The following ARHGAP21 variants were observed in gnomAD, a reference collection of about 807,000 sequenced individuals.
ARHGAP21 encodes Rho GTPase activating protein 21, also known as rho GTPase-activating protein 21.
A neutral mutation model predicts 164.6 loss-of-function variants in ARHGAP21; 38 were observed. The ratio of observed to expected loss-of-function variants is 0.23; its 90% CI spans 0.18 to 0.30. The LOEUF is 0.30. ARHGAP21 is among the 10% of genes least tolerant of loss of function. The pLI is 1.00. For missense variants in ARHGAP21, 1,822 were observed against 2,370.7 expected (o/e 0.77, Z 4.81); for synonymous variants, 766 against 857.9 (o/e 0.89, Z 1.87).
chr10:24,689,783 T>C (rs1842540703), intron 2 of ARHGAP21, among the ~76,000 whole-genome samples: 1 of 150,884 alleles, frequency 6.6e-6, no homozygotes, highest in South Asian at 2.1e-4. Flanking sequence ...TATGTGTGTG[T>C]ATATATATGT....
rs1366122587 is a variant in ARHGAP21 at position 24,620,046 on chromosome 10, G to A, written c.1849C>T (p.Pro617Ser). ...GAATTACTTCGGACTTTCACAAGAG[G>A]TGACCTGTCTTGTGAAATACCCCGA... ...LPRGISQDRS[P>S]LVKVRSNSLK... Residue 617 changes from proline to serine, a missense_variant, in exon 9 of 26, where the codon CCT becomes TCT. Coordinates refer to ENST00000396432, the MANE Select transcript of ARHGAP21 (RefSeq NM_020824.4). The A allele has an allele frequency of 1.9e-6, 3 of 1,613,936 alleles. No individual in the cohort carries two copies. The highest frequency in any genetic ancestry group is 2.5e-6 in the Non-Finnish European group (3 of 1,179,844).
At chr10:24,627,613 G>C (rs1472544743) in intron 7 of ARHGAP21, among the ~76,000 whole-genome samples, 1 of 152,108 alleles carries the variant, frequency 6.6e-6, no homozygotes, top group Non-Finnish European at 1.5e-5. Context: ...AGATCTGCAT[G>C]CTCATGTTAT....
rs2076842382 is a variant in ARHGAP21 at position 24,602,224 on chromosome 10, A to AATCCTAACTTTATCTTTT, written c.2722-139_2722-122dup. The AATCCTAACTTTATCTTTT allele has an allele frequency of 7.1e-6, 8 of 1,127,664 alleles. No homozygotes were observed. The South Asian group carries it at 1.5e-4, about 21-fold the overall frequency. 69.9% of individuals were successfully genotyped at this position (1,127,664 alleles called of 1,614,324 possible). On this transcript the variant is annotated intron_variant, in intron 12 of 25. Transcript: ENST00000396432. The stretch of plus-strand genomic sequence containing the variant: ...TTCAAGTGAAGGGCTATTTTTGAAA[A>AATCCTAACTTTATCTTTT]ATCCTAACTTTATCTTTTTAAAAAT...
At chr10:24,600,556 T>A in intron 14 of ARHGAP21, 90 bp downstream of exon 14, 2 of 1,428,294 alleles carry the variant, frequency 1.4e-6, no homozygotes, top group South Asian at 3.0e-5. Flanking sequence ...TATAATTTTT[T>A]TATAAAAATG....
Position 24,607,732 on chromosome 10 carries a change from C to T in ARHGAP21, c.2581+13G>A, listed in dbSNP as rs1467168794. The stretch of plus-strand genomic sequence containing the variant: ...CATGAGATACGGTTTACAAAACCAC[C>T]CTTTAGACGTACCGTGGTCATGTGA... On this transcript the variant is annotated intron_variant, in intron 10 of 25. Coordinates refer to ENST00000396432, the MANE Select transcript of ARHGAP21 (RefSeq NM_020824.4). 6.2e-7 allele frequency: 1 copy of T among 1,613,094 alleles called. No individual in the cohort carries two copies. The highest frequency in any genetic ancestry group is 1.7e-5 in the Admixed American group (1 of 59,936).
In ARHGAP21 at chr10:24,600,891, C is replaced by T. The variant is rs766596589; in HGVS notation, c.2887G>A (p.Val963Ile). 4 of 1,613,654 alleles carry T rather than the reference C, an allele frequency of 2.5e-6. No homozygotes were observed. The highest frequency in any genetic ancestry group is 1.7e-5 in the Admixed American group (1 of 59,998). Residue 963 changes from valine to isoleucine, a missense_variant, in exon 14 of 26, where the codon GTT becomes ATT. By Grantham distance (29) the Val-to-Ile change is conservative. Coordinates refer to ENST00000396432, the MANE Select transcript of ARHGAP21 (RefSeq NM_020824.4). ...TAAAGTGAATGACCCCGAAGGACAACATACATCTGTTTCCATGGCCGAATA... is the reference window on the plus strand; with the variant it reads ...TAAAGTGAATGACCCCGAAGGACAATATACATCTGTTTCCATGGCCGAATA... ...GSIRPWKQMY[V>I]VLRGHSLYLY...
At chr10:24,618,233 G>C (rs547738495) in intron 9 of ARHGAP21, among the ~76,000 whole-genome samples, 1 of 152,240 alleles carries the variant, frequency 6.6e-6, no homozygotes, top group African/African-American at 2.4e-5. Context: ...TTTCAAAATT[G>C]TCTTTCAGCC....
chr10:24,650,429 A>G (rs1313948008), intron 4 of ARHGAP21, among the ~76,000 whole-genome samples: 2 of 152,296 alleles, frequency 1.3e-5, no homozygotes, highest in East Asian at 3.9e-4. Flanking sequence ...AGGTCCTTAT[A>G]TTTTGTAAGA....
At chr10:24,596,102 A>T in intron 17 of ARHGAP21, 59 bp from the exon 18 acceptor site, 1 of 1,403,430 alleles carries the variant, frequency 7.1e-7, no homozygotes, top group Non-Finnish European at 9.6e-7. Flanking sequence ...GTAGTTGTAT[A>T]TCACAGCTAA....
Position 24,620,980 on chromosome 10 carries a change from C to T in ARHGAP21, c.915G>A (p.Val305=). 1 of 1,613,976 alleles carries T rather than the reference C, an allele frequency of 6.2e-7. No individual in the cohort carries two copies. Among genetic ancestry groups the T allele is most frequent in the Non-Finnish European group, 8.5e-7 (1 of 1,179,874 alleles). ...CTGTTTTTAAAGAGGTCTGCTCACT[C>T]ACGCCATACCTCACTTCTTCAGTTC... ...SHRTEEVRYG[V]SEQTSLKTVS... is the part of the protein sequence containing the mutation. Residue 305 remains valine, a synonymous_variant, in exon 9 of 26, where the codon GTG becomes GTA. Coordinates refer to ENST00000396432, the MANE Select transcript of ARHGAP21 (RefSeq NM_020824.4).
rs2076004961 is a variant in ARHGAP21, at chr10:24,584,226, A to G, written c.*186T>C. 1 of 281,498 alleles carries G rather than the reference A, an allele frequency of 3.6e-6. No homozygotes were observed. Among genetic ancestry groups the G allele is most frequent in the African/African-American group, 2.2e-5 (1 of 44,730 alleles). 17.4% of individuals were successfully genotyped at this position (281,498 alleles called of 1,614,324 possible). A position where few individuals can be genotyped will look rare whatever the true frequency, so the allele number is the denominator to read the frequency against. ...AACTATCCGATATATTTTTAAATATATATATATATATATATGTTCTTCTGG... is the reference window on the plus strand; with the variant it reads ...AACTATCCGATATATTTTTAAATATGTATATATATATATATGTTCTTCTGG... On this transcript the variant is annotated 3_prime_UTR_variant, in exon 26 of 26. Coordinates refer to ENST00000396432, the MANE Select transcript of ARHGAP21 (RefSeq NM_020824.4).
chr10:24,592,112 A>G, intron 21 of ARHGAP21, 100 bp from the exon 22 acceptor site: 4 of 1,178,168 alleles, frequency 3.4e-6, no homozygotes, highest in Non-Finnish European at 4.6e-6. Flanking sequence ...ATAAACAGAA[A>G]AATAGCTTTG....
chr10:24,699,174 T>G (rs1843426833), intron 2 of ARHGAP21, among the ~76,000 whole-genome samples: 1 of 152,092 alleles, frequency 6.6e-6, no homozygotes, highest in Non-Finnish European at 1.5e-5. Flanking sequence ...TCCTATTATC[T>G]CTTTTTCAGT....
chr10:24,602,717 G>A (rs1256751606), intron 12 of ARHGAP21, among the ~76,000 whole-genome samples: 1 of 152,158 alleles, frequency 6.6e-6, no homozygotes, highest in Non-Finnish European at 1.5e-5. Context: ...CCAGTTCAAA[G>A]CTCACTCTGA....
At chr10:24,693,284 C>T (rs1842894044) in intron 2 of ARHGAP21, among the ~76,000 whole-genome samples, 1 of 151,932 alleles carries the variant, frequency 6.6e-6, no homozygotes, top group Non-Finnish European at 1.5e-5. Context: ...TTGTCATTGT[C>T]ATGCTAAAAA....
At chr10:24,721,027 A>G (rs1239241045) in intron 2 of ARHGAP21, among the ~76,000 whole-genome samples, 3 of 151,728 alleles carry the variant, frequency 2.0e-5, no homozygotes, top group Non-Finnish European at 4.4e-5. Flanking sequence ...AACAGAGTAT[A>G]TGCGTGTCAT....
chr10:24,611,186 T>A (rs1301797835), intron 9 of ARHGAP21, among the ~76,000 whole-genome samples: 1 of 152,132 alleles, frequency 6.6e-6, no homozygotes, highest in Non-Finnish European at 1.5e-5. Flanking sequence ...TCCCTCTCAA[T>A]CCACAGAGAC....
At chr10:24,707,986 T>C (rs1280563986) in intron 2 of ARHGAP21, among the ~76,000 whole-genome samples, 2 of 152,240 alleles carry the variant, frequency 1.3e-5, no homozygotes, top group African/African-American at 4.8e-5. Context: ...TACAGCAGTG[T>C]TTCCCAAGTA....
intron 2 of ARHGAP21, among the ~76,000 whole-genome samples, chr10:24,707,690 T>A (rs907326239): frequency 2.0e-5 from 3 of 152,156 alleles, no homozygotes; most frequent in African/African-American, 4.8e-5. Flanking sequence ...ACCAGAGTCA[T>A]CTTAGACTCC....
Sources: allele counts gnomAD v4.1 joint callset (sites outside exome capture counted in the v4.1 genomes callset), GRCh38; gene constraint gnomAD v4.1.1; transcripts MANE v1.5; gene names NCBI Gene and HGNC (gene_info 2026-07-23, HGNC 2026-07-21).